SLC16A14: variants seen among roughly 807,000 people sequenced by gnomAD.
SLC16A14 encodes the protein solute carrier family 16 member 14.
A neutral mutation model predicts 35.8 loss-of-function variants in SLC16A14; 14 were observed. The observed-to-expected ratio is 0.39, with a 90% CI of 0.26 to 0.61. SLC16A14 has a LOEUF of 0.61. SLC16A14 is among the 20% of genes least tolerant of loss of function. The pLI, the probability that SLC16A14 is intolerant of heterozygous loss-of-function variation, is 0.51. For synonymous variants in SLC16A14, 248 were observed against 258.9 expected, an observed-to-expected ratio of 0.96 and a Z score of 0.40; for missense variants, 533 against 655.0, an observed-to-expected ratio of 0.81 and a Z score of 2.03.
At chr2:230,039,407 AC>A (rs2077542362) in intron 4 of SLC16A14, among the ~76,000 whole-genome samples, 1 of 152,078 alleles carries the variant, frequency 6.6e-6, no homozygotes. Flanking sequence ...GACAAGGGGG[AC>A]AAAAAAGATT....
intron 4 of SLC16A14, among the ~76,000 whole-genome samples, chr2:230,041,355 T>A (rs12611869): frequency 0.59 from 89,569 of 151,766 alleles, 26,838 homozygotes; most frequent in Non-Finnish European, 0.65. Context: ...TTTTATTTTA[T>A]TTTAATTTTG....
At chr2:230,061,938 C>T (rs762723485) in intron 1 of SLC16A14, among the ~76,000 whole-genome samples, 10 of 152,024 alleles carry the variant, frequency 6.6e-5, no homozygotes, top group Admixed American at 2.0e-4. Flanking sequence ...GACGGGGTTT[C>T]GCCATGATGG....
intron 1 of SLC16A14, chr2:230,066,638 A>ATTT (rs10626276): frequency 0.04 from 15,135 of 374,014 alleles, 233 homozygotes; most frequent in Non-Finnish European, 0.049. Flanking sequence ...CAAGCAAGTC[A>ATTT]TTTTTTTTTT....
intron 1 of SLC16A14, among the ~76,000 whole-genome samples, chr2:230,061,148 G>A (rs1215700554): frequency 6.6e-6 from 1 of 152,156 alleles, no homozygotes; most frequent in South Asian, 2.1e-4. Context: ...GCAATAAGCT[G>A]GAGGACTTAA....
chr2:230,055,143 T>G (rs1423558332), intron 2 of SLC16A14, among the ~76,000 whole-genome samples: 1 of 152,216 alleles, frequency 6.6e-6, no homozygotes, highest in Non-Finnish European at 1.5e-5. Context: ...AGTAAGTTAC[T>G]TAATGTCTCT....
chr2:230,058,503 T>C (rs76146855), intron 2 of SLC16A14, among the ~76,000 whole-genome samples: 3,013 of 152,158 alleles, frequency 0.02, 95 homozygotes, highest in African/African-American at 0.069. Flanking sequence ...AAGATGGGAA[T>C]GGGGAATTCA....
rs1169023193 is a variant in SLC16A14, at chr2:230,035,241, C to A, written c.*2139G>T. On this transcript the variant is annotated 3_prime_UTR_variant, in exon 5 of 5. Coordinates refer to ENST00000295190, the MANE Select transcript of SLC16A14 (RefSeq NM_152527.5). ...CTTCCACTCATTCGGTAGAAGTCAC[C>A]ACTTTCAAAACATAGTAAGTCAACA... 6.6e-6 allele frequency: 1 copy of A among 152,432 alleles called. No individual in the cohort carries two copies. Among genetic ancestry groups the A allele is most frequent in the Non-Finnish European group, 1.5e-5 (1 of 68,022 alleles). 9.4% of individuals were successfully genotyped at this position (152,432 alleles called of 1,614,324 possible).
At chr2:230,051,309 G>A (rs994689201) in intron 2 of SLC16A14, among the ~76,000 whole-genome samples, 2 of 152,088 alleles carry the variant, frequency 1.3e-5, no homozygotes, top group Non-Finnish European at 2.9e-5. Flanking sequence ...CTAGAGGCTT[G>A]TGCTATCATG....
At chr2:230,044,705 TG>T (rs2077587607) in intron 4 of SLC16A14, among the ~76,000 whole-genome samples, 2 of 42,040 alleles carry the variant, frequency 4.8e-5, no homozygotes. Context: ...AGTCTGTATT[TG>T]TGTGTGTGTG....
intron 4 of SLC16A14, among the ~76,000 whole-genome samples, chr2:230,044,163 C>T (rs2077581536): frequency 6.6e-6 from 1 of 152,050 alleles, no homozygotes; most frequent in Non-Finnish European, 1.5e-5. Context: ...CCAATGTAAT[C>T]ATAGACACCC....
In SLC16A14 at chr2:230,044,561, A is replaced by G. The variant is rs575297614; in HGVS notation, c.1381+1184T>C. ...GACGTGAGTTACACTGCTGGCTTAG[A>G]AGATGGAGCAAGAGGGCACGCGCCA... On this transcript the variant is annotated intron_variant, in intron 4 of 4. Coordinates refer to ENST00000295190, the MANE Select transcript of SLC16A14 (RefSeq NM_152527.5). 2.0e-4 allele frequency among the ~76,000 whole-genome samples: 30 copies of G among 152,166 alleles called. 1 individual carries two copies. The highest frequency in any genetic ancestry group is 5.3e-4 in the African/African-American group (22 of 41,510).
chr2:230,060,013 T>C (rs1225083650), intron 1 of SLC16A14, among the ~76,000 whole-genome samples: 2 of 152,200 alleles, frequency 1.3e-5, no homozygotes, highest in Admixed American at 1.3e-4. Context: ...ACAAGACTCA[T>C]ACTTTACTCC....
chr2:230,044,453 G>T (rs1272354275), intron 4 of SLC16A14, among the ~76,000 whole-genome samples: 9 of 147,844 alleles, frequency 6.1e-5, no homozygotes, highest in Admixed American at 4.2e-4. Flanking sequence ...ACTCCAGCTT[G>T]GGTGACAGAG....
chr2:230,068,709 C>G lies in SLC16A14; in HGVS notation c.-169G>C, dbSNP rs1463431114. The G allele has an allele frequency of 6.5e-6, 1 of 152,720 alleles. No individual in the cohort carries two copies. The highest frequency in any genetic ancestry group is 1.9e-4 in the East Asian group (1 of 5,164). 9.5% of individuals were successfully genotyped at this position (152,720 alleles called of 1,614,324 possible). On this transcript the variant is annotated 5_prime_UTR_variant, in exon 1 of 5. Coordinates refer to ENST00000295190, the MANE Select transcript of SLC16A14 (RefSeq NM_152527.5). This position sits in a 1 kb window ranked among gnomAD's most constrained non-coding sequence, Gnocchi z 5.1. ...ACGCGGGTGCCTGCGGCTCAGCTCT[C>G]CGCCCGGCTCGGTGCGCTCTGTGAG...
At chr2:230,040,214 C>CATTATT (rs138263085) in intron 4 of SLC16A14, among the ~76,000 whole-genome samples, 36,181 of 150,310 alleles carry the variant, frequency 0.24, 4,561 homozygotes, top group East Asian at 0.42. Flanking sequence ...AAATTGAATT[C>CATTATT]ATTATTATTA....
Position 230,044,207 on chromosome 2 carries a change from C to T in SLC16A14, c.1381+1538G>A, listed in dbSNP as rs540740365. Among the ~76,000 whole-genome samples, 353 of 151,514 alleles carry T rather than the reference C, an allele frequency of 2.3e-3. 7 individuals carry two copies. The highest frequency in any genetic ancestry group is 3.3e-3 in the Non-Finnish European group (221 of 67,846). ...GAAAGGAGGTGGCTGGGCATGGTGG[C>T]TCATGCCTGTAATCCCAGCACTTTG... On this transcript the variant is annotated intron_variant, in intron 4 of 4. Transcript: ENST00000295190.
chr2:230,043,702 G>A (rs1320300295), intron 4 of SLC16A14, among the ~76,000 whole-genome samples: 1 of 152,238 alleles, frequency 6.6e-6, no homozygotes, highest in East Asian at 1.9e-4. Flanking sequence ...GAGCACCTTT[G>A]TGTTGGCATT....
chr2:230,059,025 C>A, intron 2 of SLC16A14, 69 bp downstream of exon 2: 2 of 1,508,288 alleles, frequency 1.3e-6, no homozygotes, highest in Non-Finnish European at 1.8e-6. Flanking sequence ...CAATATAAAA[C>A]ATCACTTACA....
intron 4 of SLC16A14, 185 bp downstream of exon 4, chr2:230,045,560 G>GAAA: frequency 1.8e-6 from 1 of 566,300 alleles, no homozygotes; most frequent in Non-Finnish European, 2.9e-6. Flanking sequence ...ACTCCGTCTT[G>GAAA]AAAAAAAAAA....
Sources: allele counts gnomAD v4.1 joint callset (sites outside exome capture counted in the v4.1 genomes callset), GRCh38; gene constraint gnomAD v4.1.1; non-coding constraint Gnocchi (gnomAD v3.1); transcripts MANE v1.5; gene names NCBI Gene and HGNC (gene_info 2026-07-23, HGNC 2026-07-21).